The following CPQ variants were observed in gnomAD, a reference collection of about 807,000 sequenced individuals.
The protein encoded by CPQ is Ser-Met dipeptidase.
A neutral mutation model predicts 45.7 loss-of-function variants in CPQ; 37 were observed. That is an observed-to-expected ratio of 0.81 (90% confidence interval 0.62 to 1.07). The LOEUF is 1.07. Ranked by LOEUF, CPQ falls within the 50% of genes least tolerant of loss-of-function variation. CPQ has a pLI of 0.00. For synonymous variants in CPQ, 186 were observed against 205.8 expected (o/e 0.90, Z 0.82); for missense variants, 537 against 572.9 (o/e 0.94, Z 0.64).
chr8:97,118,316 C>T (rs1811631235), intron 7 of CPQ, among the ~76,000 whole-genome samples: 1 of 151,994 alleles, frequency 6.6e-6, no homozygotes, highest in South Asian at 2.1e-4. Flanking sequence ...TGATTCTAGT[C>T]CTGGCTCAGT....
At position 96,661,484 on chromosome 8, in the gene CPQ, C is replaced by T. The variant is rs114624403; in HGVS notation, c.-35+16082C>T. ...CACTCCTGGCAACTACTGATCTTTT[C>T]TCTGTGTTCGTAGTTTTGCCCTTTC... On this transcript the variant is annotated intron_variant, in intron 1 of 7. Transcript: ENST00000220763. Among the ~76,000 whole-genome samples the T allele has an allele frequency of 8.1e-3, 1,238 of 152,248 alleles. 8 individuals are homozygous for T. The highest frequency in any genetic ancestry group is 0.024 in the African/African-American group (998 of 41,532).
At chr8:96,681,206 G>T (rs889688805) in intron 1 of CPQ, among the ~76,000 whole-genome samples, 4 of 152,176 alleles carry the variant, frequency 2.6e-5, no homozygotes, top group African/African-American at 9.7e-5. Flanking sequence ...TGGAGAAAAT[G>T]ACTCCAGGGC....
At chr8:96,710,408 T>C (rs1427665511) in intron 1 of CPQ, among the ~76,000 whole-genome samples, 1 of 152,176 alleles carries the variant, frequency 6.6e-6, no homozygotes, top group African/African-American at 2.4e-5. Flanking sequence ...GGTTTGTTCT[T>C]GTTTCTCTAG....
Position 96,810,302 on chromosome 8 carries a change from G to A in CPQ, c.434-24671G>A, listed in dbSNP as rs150530392. On this transcript the variant is annotated intron_variant, in intron 2 of 7. Transcript: ENST00000220763. ...ATATCTTACACACTTTTATACCCTG[G>A]TGCCCAGCATGTTGCTGATGGTCAA... 1.8e-3 allele frequency among the ~76,000 whole-genome samples: 276 copies of A among 152,274 alleles called. 2 individuals carry two copies. The highest frequency in any genetic ancestry group is 6.5e-3 in the African/African-American group (268 of 41,548).
At chr8:96,940,242 T>A (rs1813106944) in intron 4 of CPQ, among the ~76,000 whole-genome samples, 2 of 152,148 alleles carry the variant, frequency 1.3e-5, no homozygotes, top group South Asian at 4.1e-4. Flanking sequence ...AACTCTAAAA[T>A]AAATGTAATT....
intron 7 of CPQ, among the ~76,000 whole-genome samples, chr8:97,123,848 AAGGCTGTC>A (rs1352648304): frequency 6.6e-6 from 1 of 152,216 alleles, no homozygotes; most frequent in African/African-American, 2.4e-5. Flanking sequence ...TGTATACGTG[AAGGCTGTC>A]ATAATTGTAC....
chr8:96,763,634 G>C (rs552904382), intron 1 of CPQ, among the ~76,000 whole-genome samples: 1 of 152,124 alleles, frequency 6.6e-6, no homozygotes, highest in African/African-American at 2.4e-5. Flanking sequence ...TCTGCAAAAA[G>C]TAGAGCTGAT....
At chr8:97,009,592 T>C (rs1446048662) in intron 5 of CPQ, among the ~76,000 whole-genome samples, 1 of 152,244 alleles carries the variant, frequency 6.6e-6, no homozygotes, top group Non-Finnish European at 1.5e-5. Context: ...TTTTTTATTC[T>C]ATATATCCTT....
intron 7 of CPQ, among the ~76,000 whole-genome samples, chr8:97,074,597 C>T (rs1224917670): frequency 1.3e-5 from 2 of 152,102 alleles, no homozygotes; most frequent in East Asian, 3.9e-4. Context: ...CATGGTGAAA[C>T]CCCCTCTCTA....
At chr8:97,074,525 AC>A (rs1283678846) in intron 7 of CPQ, among the ~76,000 whole-genome samples, 6 of 152,150 alleles carry the variant, frequency 3.9e-5, no homozygotes, top group South Asian at 2.1e-4. Context: ...TAATCCCAGG[AC>A]TTTGGGAGGC....
intron 1 of CPQ, among the ~76,000 whole-genome samples, chr8:96,758,364 T>A (rs1351860882): frequency 6.6e-6 from 1 of 152,200 alleles, no homozygotes; most frequent in Non-Finnish European, 1.5e-5. Context: ...TATATTTTTT[T>A]GAGACCAGAA....
In CPQ at chr8:96,890,623, G is replaced by A. The variant is rs80201426; in HGVS notation, c.849+10618G>A. ...TAGACTAATTTTATCTTGATAATCC[G>A]GATCAGTTGCCCCGGCCAACACTGT... On this transcript the variant is annotated intron_variant, in intron 4 of 7. Coordinates refer to ENST00000220763, the MANE Select transcript of CPQ (RefSeq NM_016134.4). 7.9e-5 allele frequency among the ~76,000 whole-genome samples: 12 copies of A among 152,212 alleles called. No homozygotes were observed. The East Asian group carries it at 1.2e-3, about 15-fold the overall frequency.
intron 2 of CPQ, among the ~76,000 whole-genome samples, chr8:96,790,150 A>G (rs1475553686): frequency 9.9e-5 from 15 of 152,174 alleles, no homozygotes; most frequent in Non-Finnish European, 1.5e-5. Flanking sequence ...TCTCTGCACT[A>G]AATGAAGTCA....
At chr8:96,775,877 G>A (rs986198690) in intron 1 of CPQ, among the ~76,000 whole-genome samples, 6 of 152,176 alleles carry the variant, frequency 3.9e-5, no homozygotes, top group African/African-American at 1.4e-4. Context: ...CCTAGGGGCA[G>A]CATCATCCAT....
intron 1 of CPQ, among the ~76,000 whole-genome samples, chr8:96,656,399 G>A (rs1308970032): frequency 2.0e-5 from 3 of 152,168 alleles, no homozygotes; most frequent in Non-Finnish European, 4.4e-5. Context: ...GTTGTAGGGT[G>A]TACTTCCTGG....
At chr8:97,137,107 G>A (rs1812073651) in intron 7 of CPQ, among the ~76,000 whole-genome samples, 1 of 152,186 alleles carries the variant, frequency 6.6e-6, no homozygotes, top group African/African-American at 2.4e-5. Context: ...AGTTGTTTTA[G>A]TTTTGTAGAA....
At chr8:96,672,842 T>A (rs548783222) in intron 1 of CPQ, among the ~76,000 whole-genome samples, 148 of 151,956 alleles carry the variant, frequency 9.7e-4, no homozygotes, top group African/African-American at 3.2e-3. Flanking sequence ...TTCTTTAAAA[T>A]TTTTTTTTAA....
At chr8:96,720,940 A>G (rs1261690843) in intron 1 of CPQ, among the ~76,000 whole-genome samples, 1 of 151,422 alleles carries the variant, frequency 6.6e-6, no homozygotes, top group African/African-American at 2.4e-5. Flanking sequence ...TGCTCCAAAG[A>G]TTAATAAGGT....
At chr8:96,675,819 A>C (rs552084506) in intron 1 of CPQ, among the ~76,000 whole-genome samples, 1 of 152,108 alleles carries the variant, frequency 6.6e-6, no homozygotes, top group Admixed American at 6.6e-5. Flanking sequence ...TGTATTTTCT[A>C]TGAACTGTTT....
Sources: allele counts gnomAD v4.1 joint callset (sites outside exome capture counted in the v4.1 genomes callset), GRCh38; gene constraint gnomAD v4.1.1; transcripts MANE v1.5; gene names NCBI Gene and HGNC (gene_info 2026-07-23, HGNC 2026-07-21).